Variants in MARVELD3 observed in about 807,000 individuals in gnomAD.
MARVELD3 encodes MARVEL domain-containing protein 3.
MARVELD3 carries 28 observed loss-of-function variants against 33.5 expected under a neutral mutation model. The ratio of observed to expected loss-of-function variants is 0.84; its 90% CI spans 0.62 to 1.15. The LOEUF (loss-of-function observed/expected upper bound fraction) is 1.15, where lower values mean the gene tolerates loss of function less well. Among genes scored for constraint, MARVELD3 ranks in the 50% most tolerant of loss-of-function variants. MARVELD3 has a pLI of 0.00. For synonymous variants in MARVELD3, 241 were observed against 230.4 expected (o/e 1.05, Z -0.42); for missense variants, 582 against 547.6 (o/e 1.06, Z -0.63).
chr16:71,627,876 C>T (rs2044490356), intron 1 of MARVELD3, among the ~76,000 whole-genome samples: 2 of 152,190 alleles, frequency 1.3e-5, no homozygotes, highest in Middle Eastern at 3.2e-3. Context: ...ATGTGCCCCA[C>T]ACGGTGAACT....
downstream of MARVELD3, chr16:71,640,475 T>A (rs745704806): frequency 2.5e-5 from 41 of 1,614,032 alleles, no homozygotes; most frequent in Non-Finnish European, 3.1e-5. Flanking sequence ...CCGGATTCAG[T>A]GCCAGCTTTT....
chr16:71,633,978 C>T (rs2044557032), intron 2 of MARVELD3, among the ~76,000 whole-genome samples: 1 of 152,112 alleles, frequency 6.6e-6, no homozygotes, highest in Admixed American at 6.6e-5. Flanking sequence ...TTTTGAGAGT[C>T]ACCCCTCTGA....
chr16:71,634,730 C>T lies in MARVELD3; in HGVS notation c.1133C>T (p.Ala378Val), dbSNP rs756429638. 1.2e-5 allele frequency: 20 copies of T among 1,613,816 alleles called. No individual in the cohort carries two copies. The South Asian group carries it at 1.8e-4, about 14-fold the overall frequency. Reference protein sequence around the residue: ...ALGIVVFALGAVLAIKGYRKV... With the variant: ...ALGIVVFALGVVLAIKGYRKV... ...GGCATTGTGGTCTTTGCCCTGGGGGCTGTCCTGGCCATAAAGGGCTACCGA... is the reference window on the plus strand; with the variant it reads ...GGCATTGTGGTCTTTGCCCTGGGGGTTGTCCTGGCCATAAAGGGCTACCGA... The change falls in exon 3 of 3, where the codon GCT (alanine) becomes GTT (valine). Residue 378 changes from alanine to valine, a missense_variant. Ala to Val is a moderately conservative substitution (Grantham distance 64). Transcript: ENST00000268485.
chr16:71,640,952 G>A (rs1363823641), downstream of MARVELD3: 4 of 1,613,894 alleles, frequency 2.5e-6, no homozygotes, highest in African/African-American at 5.3e-5. Flanking sequence ...GAGAACAGAA[G>A]CGCTACAAAG....
intron 2 of MARVELD3, among the ~76,000 whole-genome samples, chr16:71,632,561 G>A (rs899006297): frequency 6.7e-6 from 1 of 149,532 alleles, no homozygotes; most frequent in Non-Finnish European, 1.5e-5. Flanking sequence ...AGCATTAAGG[G>A]TTTAATTAAC....
At chr16:71,631,611 C>T (rs2044534599) in intron 2 of MARVELD3, among the ~76,000 whole-genome samples, 1 of 151,992 alleles carries the variant, frequency 6.6e-6, no homozygotes, top group Non-Finnish European at 1.5e-5. Flanking sequence ...CCATGCCCAG[C>T]TAATTGTTGT....
At chr16:71,633,833 G>A (rs977741675) in intron 2 of MARVELD3, among the ~76,000 whole-genome samples, 8 of 151,930 alleles carry the variant, frequency 5.3e-5, no homozygotes, top group African/African-American at 1.2e-4. Flanking sequence ...CACCTCGCCC[G>A]GCCTTGTTTC....
At position 71,636,275 on chromosome 16, in the gene MARVELD3, A is replaced by G. The variant is rs889454017; in HGVS notation, c.*1472A>G. ...TAAATACAGACAATTTTTCACATTTAAAAGGTGAGTTCCATTTGAGTTTAG... is the reference window on the plus strand; with the variant it reads ...TAAATACAGACAATTTTTCACATTTGAAAGGTGAGTTCCATTTGAGTTTAG... On this transcript the variant is annotated 3_prime_UTR_variant, in exon 3 of 3. Coordinates refer to ENST00000268485, the MANE Select transcript of MARVELD3 (RefSeq NM_052858.6). The G allele has an allele frequency of 9.5e-5, 49 of 514,166 alleles. No individual in the cohort carries two copies. The highest frequency in any genetic ancestry group is 1.3e-4 in the Admixed American group (2 of 15,692). The allele number at this position is 514,166 out of a possible 1,614,324, so 31.9% of individuals were successfully genotyped here. A position where few individuals can be genotyped will look rare whatever the true frequency, so the allele number is the denominator to read the frequency against.
chr16:71,635,218 A>G lies in MARVELD3; in HGVS notation c.*415A>G, dbSNP rs1221570709. The G allele has an allele frequency of 1.3e-6, 1 of 784,022 alleles. No homozygotes were observed. Among genetic ancestry groups the G allele is most frequent in the Non-Finnish European group, 1.5e-6 (1 of 645,420 alleles). 48.6% of individuals were successfully genotyped at this position (784,022 alleles called of 1,614,324 possible). A position where few individuals can be genotyped will look rare whatever the true frequency, so the allele number is the denominator to read the frequency against. Reference sequence around the variant, plus strand: ...GTGGCGGGCGCCTGTAATCCCAGCTACTTGGGAGGCTGAGGCAGGAGAATC... The same window carrying G: ...GTGGCGGGCGCCTGTAATCCCAGCTGCTTGGGAGGCTGAGGCAGGAGAATC... On this transcript the variant is annotated 3_prime_UTR_variant, in exon 3 of 3. Transcript: ENST00000268485.
chr16:71,627,102 C>A (rs2044481173), intron 1 of MARVELD3, among the ~76,000 whole-genome samples: 1 of 152,214 alleles, frequency 6.6e-6, no homozygotes, highest in African/African-American at 2.4e-5. Flanking sequence ...CCAGAGCCAG[C>A]CCTTCCCGAC....
Position 71,626,728 on chromosome 16 carries a change from G to A in MARVELD3, c.467+32G>A. ...GGGGCCGGGGCGCTGCGACCTCCGCGCCGGGGACACCTGTGGCCCAGGCCG... is the reference window on the plus strand; with the variant it reads ...GGGGCCGGGGCGCTGCGACCTCCGCACCGGGGACACCTGTGGCCCAGGCCG... On this transcript the variant is annotated intron_variant, in intron 1 of 2. Coordinates refer to ENST00000268485, the MANE Select transcript of MARVELD3 (RefSeq NM_052858.6). The surrounding 1 kb of genome is among the most constrained non-coding windows in gnomAD (Gnocchi z 5.3). The A allele has an allele frequency of 7.0e-7, 1 of 1,422,750 alleles. No individual in the cohort carries two copies. Among genetic ancestry groups the A allele is most frequent in the Non-Finnish European group, 9.1e-7 (1 of 1,094,438 alleles). 88.1% of individuals were successfully genotyped at this position (1,422,750 alleles called of 1,614,324 possible). A position where few individuals can be genotyped will look rare whatever the true frequency, so the allele number is the denominator to read the frequency against.
In MARVELD3 at chr16:71,629,564, G is replaced by A. The variant is rs2044508300; in HGVS notation, c.595+70G>A. On this transcript the variant is annotated intron_variant, in intron 2 of 2. Transcript: ENST00000268485. ...GTTCTGGAAGGGATGGTCTGAGCTG[G>A]TGAAGCAAAAATTTAAGCAGATTCC... 3.4e-6 allele frequency: 5 copies of A among 1,462,920 alleles called. No homozygotes were observed. The South Asian group carries it at 7.5e-5, about 22-fold the overall frequency. 90.6% of individuals were successfully genotyped at this position (1,462,920 alleles called of 1,614,324 possible). A position where few individuals can be genotyped will look rare whatever the true frequency, so the allele number is the denominator to read the frequency against.
chr16:71,629,910 A>G (rs1227079233), intron 2 of MARVELD3, among the ~76,000 whole-genome samples: 1 of 152,112 alleles, frequency 6.6e-6, no homozygotes, highest in Non-Finnish European at 1.5e-5. Flanking sequence ...TTCTCCTTGA[A>G]GATCTGACGC....
chr16:71,627,419 G>C (rs1328747236), intron 1 of MARVELD3, among the ~76,000 whole-genome samples: 1 of 151,634 alleles, frequency 6.6e-6, no homozygotes, highest in African/African-American at 2.4e-5. Context: ...AGGGAGAATC[G>C]CTTGAACCCG....
Position 71,635,006 on chromosome 16 carries a change from G to A in MARVELD3, c.*203G>A. 7.6e-7 allele frequency: 1 copy of A among 1,321,248 alleles called. No individual in the cohort carries two copies. The highest frequency in any genetic ancestry group is 2.9e-4 in the Middle Eastern group (1 of 3,500). The allele number at this position is 1,321,248 out of a possible 1,614,324, so 81.8% of individuals were successfully genotyped here. On this transcript the variant is annotated 3_prime_UTR_variant, in exon 3 of 3. Transcript: ENST00000268485. ...CTGGCTTCTGGAGTCCTCTGTGAGTGAGGGACCAATCAAAATTATTTTTCA... is the reference window on the plus strand; with the variant it reads ...CTGGCTTCTGGAGTCCTCTGTGAGTAAGGGACCAATCAAAATTATTTTTCA...
chr16:71,629,480 T>G lies in MARVELD3; in HGVS notation c.581T>G (p.Leu194Trp), dbSNP rs1333941419. ...CTGGAATGCCACAAATGCAAATACT[T>G]GTGCACTGGGAGAGGTGAGCCGTTT... ...GLLECHKCKYLCTGRACCQML... is the reference protein window; with the variant it reads ...GLLECHKCKYWCTGRACCQML... Residue 194 changes from leucine (L) to tryptophan (W), a missense_variant, in exon 2 of 3, where the codon TTG becomes TGG. Leu to Trp is a moderately conservative substitution (Grantham distance 61). Coordinates refer to ENST00000268485, the MANE Select transcript of MARVELD3 (RefSeq NM_052858.6). 3.2e-6 allele frequency: 5 copies of G among 1,571,682 alleles called. No individual in the cohort carries two copies. Among genetic ancestry groups the G allele is most frequent in the Non-Finnish European group, 4.3e-6 (5 of 1,164,090 alleles).
chr16:71,632,210 A>G (rs184875652), intron 2 of MARVELD3, among the ~76,000 whole-genome samples: 235 of 152,370 alleles, frequency 1.5e-3, no homozygotes, highest in Non-Finnish European at 2.6e-3. Flanking sequence ...TGAGGGATTG[A>G]CTGCAAAGCG....
At chr16:71,632,087 G>T (rs1288354465) in intron 2 of MARVELD3, among the ~76,000 whole-genome samples, 1 of 152,154 alleles carries the variant, frequency 6.6e-6, no homozygotes, top group Admixed American at 6.5e-5. Flanking sequence ...CCATTAACAT[G>T]ATATTCTAGA....
downstream of MARVELD3, chr16:71,640,434 A>T: frequency 1.2e-6 from 2 of 1,614,094 alleles, no homozygotes. Context: ...GATGGTTCTC[A>T]TATGCATCGT....
Sources: gnomAD v4.1 joint callset for allele counts (sites outside exome capture counted in the v4.1 genomes callset) on GRCh38, gnomAD v4.1.1 for gene constraint, Gnocchi (gnomAD v3.1) non-coding constraint, MANE v1.5 for transcripts, NCBI Gene and HGNC (gene_info 2026-07-23, HGNC 2026-07-21) for gene names.